Variants in CADM2 observed in about 807,000 individuals in gnomAD.
The protein encoded by CADM2 is cell adhesion molecule 2.
In CADM2, 12 loss-of-function variants were observed where a neutral mutation model predicts 49.8. The observed-to-expected ratio is 0.24, with a 90% CI of 0.15 to 0.39. The LOEUF is 0.39. Among genes scored for constraint, CADM2 ranks in the 10% least tolerant of loss-of-function variants. The pLI, the probability that CADM2 is intolerant of heterozygous loss-of-function variation, is 1.00. For missense variants in CADM2, 378 were observed against 492.3 expected, an observed-to-expected ratio of 0.77 and a Z score of 2.20; for synonymous variants, 214 against 175.4, an observed-to-expected ratio of 1.22 and a Z score of -1.74.
At chr3:85,786,000 G>A (rs140142016) in intron 2 of CADM2, among the ~76,000 whole-genome samples, 33 of 152,128 alleles carry the variant, frequency 2.2e-4, no homozygotes, top group African/African-American at 7.7e-4. Context: ...CTGCTCAGGA[G>A]TTCCGGATAC....
chr3:85,150,062 T>A (rs561332341), intron 1 of CADM2, among the ~76,000 whole-genome samples: 1 of 152,346 alleles, frequency 6.6e-6, no homozygotes, highest in African/African-American at 2.4e-5. Context: ...CTCACTTCAG[T>A]TGAAAATCAG....
At chr3:85,164,206 T>C (rs1028220364) in intron 1 of CADM2, among the ~76,000 whole-genome samples, 6 of 152,058 alleles carry the variant, frequency 3.9e-5, no homozygotes, top group African/African-American at 1.4e-4. Flanking sequence ...TTGAGATGAC[T>C]ATGTGAAGGT....
chr3:85,999,628 A>C (rs1424071126), intron 8 of CADM2, among the ~76,000 whole-genome samples: 1 of 151,364 alleles, frequency 6.6e-6, no homozygotes, highest in Admixed American at 6.6e-5. Context: ...AGAAAGAAAG[A>C]AGGAGAAAGA....
At chr3:85,850,788 C>T (rs1229435697) in intron 3 of CADM2, among the ~76,000 whole-genome samples, 1 of 152,056 alleles carries the variant, frequency 6.6e-6, no homozygotes, top group African/African-American at 2.4e-5. Flanking sequence ...TAAGTTTAAT[C>T]TTAGTGTTTT....
At chr3:85,652,500 T>A (rs1046746744) in intron 1 of CADM2, among the ~76,000 whole-genome samples, 4 of 152,156 alleles carry the variant, frequency 2.6e-5, no homozygotes, top group Non-Finnish European at 5.9e-5. Context: ...TTGGAAACAA[T>A]CTGCTTCTAC....
chr3:85,980,351 T>C (rs896787342), intron 8 of CADM2, among the ~76,000 whole-genome samples: 1 of 151,528 alleles, frequency 6.6e-6, no homozygotes, highest in African/African-American at 2.4e-5. Flanking sequence ...AGATATTAAG[T>C]TGATTTGCCG....
chr3:85,646,428 C>G (rs2064887890), intron 1 of CADM2, among the ~76,000 whole-genome samples: 1 of 151,924 alleles, frequency 6.6e-6, no homozygotes, highest in South Asian at 2.1e-4. Context: ...AAGTTTCTGA[C>G]AGGGTGATTT....
At chr3:85,038,165 T>C (rs2107352591) in intron 1 of CADM2, among the ~76,000 whole-genome samples, 1 of 152,276 alleles carries the variant, frequency 6.6e-6, no homozygotes, top group African/African-American at 2.4e-5. Flanking sequence ...TCAATTTCAG[T>C]TTCACAAATT....
chr3:85,286,376 G>T (rs12374196), intron 1 of CADM2, among the ~76,000 whole-genome samples: 62,072 of 151,972 alleles, frequency 0.41, 14,488 homozygotes, highest in Admixed American at 0.56. Context: ...ATCAAGAAAT[G>T]CCCATTCTGA....
chr3:84,998,793 T>G (rs2033308135), intron 1 of CADM2, among the ~76,000 whole-genome samples: 1 of 152,140 alleles, frequency 6.6e-6, no homozygotes, highest in South Asian at 2.1e-4. Flanking sequence ...TTTGCTAATC[T>G]CAATTTGGCA....
chr3:86,012,625 C>G, intron 8 of CADM2: 1 of 1,579,472 alleles, frequency 6.3e-7, no homozygotes, highest in Non-Finnish European at 8.6e-7. Flanking sequence ...TGGCCTTCTT[C>G]AGGTTCCCGC....
intron 1 of CADM2, among the ~76,000 whole-genome samples, chr3:85,227,109 G>T (rs2042179382): frequency 6.6e-6 from 1 of 152,154 alleles, no homozygotes; most frequent in African/African-American, 2.4e-5. Flanking sequence ...TGTTGATTTG[G>T]GGTGTAGAGT....
At chr3:85,907,360 C>T (rs572118005) in intron 5 of CADM2, among the ~76,000 whole-genome samples, 21 of 152,316 alleles carry the variant, frequency 1.4e-4, no homozygotes, top group Non-Finnish European at 2.5e-4. Flanking sequence ...CTGTTTGGGA[C>T]ACACTAAGAC....
intron 7 of CADM2, among the ~76,000 whole-genome samples, chr3:85,953,881 A>G (rs951005938): frequency 2.6e-5 from 4 of 151,078 alleles, no homozygotes; most frequent in African/African-American, 9.6e-5. Flanking sequence ...ATATAAGTGT[A>G]GAATAGGACA....
intron 1 of CADM2, among the ~76,000 whole-genome samples, chr3:85,630,884 G>T (rs72913158): frequency 0.042 from 6,445 of 151,664 alleles, 448 homozygotes; most frequent in African/African-American, 0.15. Flanking sequence ...CAGATCTCCT[G>T]CCTAAAACCC....
intron 1 of CADM2, among the ~76,000 whole-genome samples, chr3:84,973,528 G>C (rs1370435772): frequency 6.6e-6 from 1 of 152,154 alleles, no homozygotes; most frequent in Non-Finnish European, 1.5e-5. Flanking sequence ...ATTTGTTCGA[G>C]AGGATGATTC....
intron 1 of CADM2, among the ~76,000 whole-genome samples, chr3:85,165,678 A>T (rs1232361555): frequency 6.6e-6 from 1 of 151,886 alleles, no homozygotes; most frequent in Non-Finnish European, 1.5e-5. Context: ...CACAGAGTTT[A>T]TATATACTGA....
intron 2 of CADM2, among the ~76,000 whole-genome samples, chr3:85,732,537 A>G (rs2067976144): frequency 1.3e-5 from 2 of 152,084 alleles, no homozygotes; most frequent in East Asian, 3.8e-4. Context: ...CTTCTAGTTC[A>G]CCTCACTTCT....
At chr3:85,484,149 G>A (rs1315076443) in intron 1 of CADM2, among the ~76,000 whole-genome samples, 1 of 151,584 alleles carries the variant, frequency 6.6e-6, no homozygotes, top group Non-Finnish European at 1.5e-5. Flanking sequence ...TGTAACAAAG[G>A]TCCCAGGCTA....
Sources: gnomAD v4.1 joint callset for allele counts (sites outside exome capture counted in the v4.1 genomes callset) on GRCh38, gnomAD v4.1.1 for gene constraint, MANE v1.5 for transcripts, NCBI Gene and HGNC (gene_info 2026-07-23, HGNC 2026-07-21) for gene names.